RASSF2: variants seen among roughly 807,000 people sequenced by gnomAD.
The protein encoded by RASSF2 is Ras association domain family member 2, also known as ras association domain-containing protein 2.
Under a neutral mutation model 46.3 loss-of-function variants are expected in RASSF2, and 34 were observed. The ratio of observed to expected loss-of-function variants is 0.73; its 90% CI spans 0.56 to 0.98. The LOEUF is 0.98. Among genes scored for constraint, RASSF2 ranks in the 50% least tolerant of loss-of-function variants. The pLI, the probability that RASSF2 is intolerant of heterozygous loss-of-function variation, is 0.00. For missense variants in RASSF2, 364 were observed against 431.2 expected (o/e 0.84, Z 1.38); for synonymous variants, 158 against 162.5 (o/e 0.97, Z 0.21).
chr20:4,790,542 A>G lies in RASSF2; in HGVS notation c.446T>C (p.Val149Ala). The G allele has an allele frequency of 6.5e-7, 1 of 1,532,572 alleles. No individual in the cohort carries two copies. The highest frequency in any genetic ancestry group is 8.7e-7 in the Non-Finnish European group (1 of 1,145,804). The allele number at this position is 1,532,572 out of a possible 1,614,324, so 94.9% of individuals were successfully genotyped here. A position where few individuals can be genotyped will look rare whatever the true frequency, so the allele number is the denominator to read the frequency against. The change falls in exon 7 of 12, where the codon GTG becomes GCG. Residue 149 changes from valine to alanine, a missense_variant. Val to Ala is a moderately conservative substitution (Grantham distance 64). Coordinates refer to ENST00000379400, the MANE Select transcript of RASSF2 (RefSeq NM_014737.3). The surrounding 1 kb of genome is among the most constrained non-coding windows in gnomAD (Gnocchi z 4.3). ...CGTCCTCACATTGCCACGGCGACGC[A>G]CCCCAACATCACTGCGTGTGCGCAT... ...QLMRTRSDVG[V>A]RRRGNVRTPS...
Position 4,812,819 on chromosome 20 carries a change from C to G in RASSF2, c.-33+9510G>C, listed in dbSNP as rs1927932238. ...CCCAGGTGGCACAGCCGACATGCAG[C>G]CCAGTGCTCCTGTGGCTCTCTGGCT... On this transcript the variant is annotated intron_variant, in intron 2 of 11. Coordinates refer to ENST00000379400, the MANE Select transcript of RASSF2 (RefSeq NM_014737.3). The surrounding 1 kb of genome is among the most constrained non-coding windows in gnomAD (Gnocchi z 4.0). Among the ~76,000 whole-genome samples, 1 of 152,194 alleles carries G rather than the reference C, an allele frequency of 6.6e-6. No homozygotes were observed. Among genetic ancestry groups the G allele is most frequent in the Non-Finnish European group, 1.5e-5 (1 of 68,030 alleles).
intron 10 of RASSF2, 123 bp downstream of exon 10, chr20:4,787,510 G>A: frequency 8.2e-7 from 1 of 1,215,408 alleles, no homozygotes; most frequent in Non-Finnish European, 1.2e-6. Context: ...AGAACCTGGT[G>A]CTGAAGAAGT....
At chr20:4,817,601 C>A (rs1928407502) in intron 2 of RASSF2, among the ~76,000 whole-genome samples, 1 of 152,104 alleles carries the variant, frequency 6.6e-6, no homozygotes, top group Admixed American at 6.5e-5. Context: ...AAGGAAGGGA[C>A]CATCCGTTCC....
At chr20:4,802,305 TCA>T (rs1443335759) in intron 2 of RASSF2, among the ~76,000 whole-genome samples, 1 of 151,728 alleles carries the variant, frequency 6.6e-6, no homozygotes, top group African/African-American at 2.4e-5. Flanking sequence ...TGGATTCTGC[TCA>T]CTAGATGCCA....
intron 2 of RASSF2, among the ~76,000 whole-genome samples, chr20:4,804,687 T>C (rs1255949617): frequency 6.6e-6 from 1 of 152,158 alleles, no homozygotes; most frequent in Admixed American, 6.6e-5. Flanking sequence ...TCAGTGTCCC[T>C]TTTTCTAAAA....
rs1444302238 is a variant in RASSF2, at chr20:4,795,606, A to C, written c.287+209T>G. ...GCAGCTCCCCTCCTGTGACCTCATC[A>C]GTGATTGCAGTGACAGGAAGGGGGC... On this transcript the variant is annotated intron_variant, in intron 5 of 11. Transcript: ENST00000379400. This position sits in a 1 kb window ranked among gnomAD's most constrained non-coding sequence, Gnocchi z 4.0. The C allele has an allele frequency of 2.0e-6, 1 of 508,636 alleles. No homozygotes were observed. The highest frequency in any genetic ancestry group is 3.4e-6 in the Non-Finnish European group (1 of 293,464). 31.5% of individuals were successfully genotyped at this position (508,636 alleles called of 1,614,324 possible). A position where few individuals can be genotyped will look rare whatever the true frequency, so the allele number is the denominator to read the frequency against.
chr20:4,797,895 A>G, intron 4 of RASSF2, 115 bp downstream of exon 4: 2 of 1,484,040 alleles, frequency 1.3e-6, no homozygotes, highest in Non-Finnish European at 1.8e-6. Flanking sequence ...CTAGCAACCT[A>G]AATAAGAAGC....
chr20:4,800,456 A>G (rs1203299484), intron 3 of RASSF2, among the ~76,000 whole-genome samples: 1 of 152,206 alleles, frequency 6.6e-6, no homozygotes, highest in Non-Finnish European at 1.5e-5. Context: ...GGGTAGAGTC[A>G]GTGTCTGGTG....
chr20:4,788,612 C>A (rs186041540), intron 8 of RASSF2, among the ~76,000 whole-genome samples: 1 of 152,334 alleles, frequency 6.6e-6, no homozygotes, highest in African/African-American at 2.4e-5. Context: ...TCCTAGTGTA[C>A]AAACCTATAC....
Position 4,798,105 on chromosome 20 carries a change from G to A in RASSF2, c.60-20C>T, listed in dbSNP as rs1926510576. 13 of 1,613,130 alleles carry A rather than the reference G, an allele frequency of 8.1e-6. No individual in the cohort carries two copies. Among genetic ancestry groups the A allele is most frequent in the Non-Finnish European group, 9.3e-6 (11 of 1,179,366 alleles). On this transcript the variant is annotated intron_variant, in intron 3 of 11. Coordinates refer to ENST00000379400, the MANE Select transcript of RASSF2 (RefSeq NM_014737.3). ...TCATTTCTTAGGGGGAAAAATAGAA[G>A]AGATATAACATTATCAGCTGAAGCC...
chr20:4,797,947 C>A (rs1222037478), intron 4 of RASSF2, 63 bp downstream of exon 4: 1 of 1,605,906 alleles, frequency 6.2e-7, no homozygotes, highest in Non-Finnish European at 8.5e-7. Flanking sequence ...GACCTTCAGA[C>A]CCAGGACACA....
chr20:4,797,041 G>A (rs563725824), intron 4 of RASSF2, among the ~76,000 whole-genome samples: 2 of 152,226 alleles, frequency 1.3e-5, no homozygotes, highest in South Asian at 4.1e-4. Context: ...CAAAGAGGGA[G>A]GAAGGAATAA....
intron 11 of RASSF2, among the ~76,000 whole-genome samples, chr20:4,784,820 A>C (rs2122395388): frequency 6.6e-6 from 1 of 152,148 alleles, no homozygotes; most frequent in East Asian, 1.9e-4. Context: ...TTATAACAGA[A>C]CCTGCATTTT....
In RASSF2 at chr20:4,780,086, G is replaced by A. The variant is rs1924650047; in HGVS notation, c.*4187C>T. ...CAGATGCATTAAAACATATCAAAAT[G>A]TTACAAAAATGTATGGCTCCCTTGC... On this transcript the variant is annotated 3_prime_UTR_variant, in exon 12 of 12. Coordinates refer to ENST00000379400, the MANE Select transcript of RASSF2 (RefSeq NM_014737.3). The A allele has an allele frequency of 6.6e-6, 1 of 152,544 alleles. No homozygotes were observed. Among genetic ancestry groups the A allele is most frequent in the African/African-American group, 2.4e-5 (1 of 41,434 alleles). The allele number at this position is 152,544 out of a possible 1,614,324, so 9.4% of individuals were successfully genotyped here.
intron 2 of RASSF2, among the ~76,000 whole-genome samples, chr20:4,805,221 G>C (rs1415983001): frequency 6.6e-6 from 1 of 152,114 alleles, no homozygotes; most frequent in Non-Finnish European, 1.5e-5. Context: ...ATCTTGAAAC[G>C]AAGAGACTAT....
At chr20:4,808,541 G>C (rs1927528114) in intron 2 of RASSF2, among the ~76,000 whole-genome samples, 1 of 149,150 alleles carries the variant, frequency 6.7e-6, no homozygotes, top group Non-Finnish European at 1.5e-5. Context: ...GGCTGGAATG[G>C]AGTGGCACGA....
Position 4,792,594 on chromosome 20 carries a change from A to C in RASSF2, c.321T>G (p.Val107=). 4 of 1,613,880 alleles carry C rather than the reference A, an allele frequency of 2.5e-6. No individual in the cohort carries two copies. In the South Asian group the frequency reaches 4.4e-5, roughly 18 times the overall value. The change falls in exon 6 of 12, where the codon GTT becomes GTG. Residue 107 remains valine, a synonymous_variant. Transcript: ENST00000379400. ...TTLKPLTVPK[V]QISEVDAPPE... Reference sequence around the variant, plus strand: ...GCGGGGCATCCACCTCTGAGATCTGAACTTTGGGCACAGTCAGGGGCTTCA... The same window carrying C: ...GCGGGGCATCCACCTCTGAGATCTGCACTTTGGGCACAGTCAGGGGCTTCA...
rs1387747705 is a variant in RASSF2, at chr20:4,790,394, G to C, written c.537+57C>G. ...ACCCACCATATGGCTGTAGCCCTGA[G>C]GTGGCATCTACCCAGGAAGAGGTCT... is the stretch of plus-strand genomic sequence containing the variant. On this transcript the variant is annotated intron_variant, in intron 7 of 11. Coordinates refer to ENST00000379400, the MANE Select transcript of RASSF2 (RefSeq NM_014737.3). This position sits in a 1 kb window ranked among gnomAD's most constrained non-coding sequence, Gnocchi z 4.3. The C allele has an allele frequency of 1.4e-6, 2 of 1,395,440 alleles. No individual in the cohort carries two copies. The highest frequency in any genetic ancestry group is 5.6e-5 in the East Asian group (2 of 35,986). 86.4% of individuals were successfully genotyped at this position (1,395,440 alleles called of 1,614,324 possible).
In RASSF2 at chr20:4,790,710, C is replaced by CAAATATTATTTGTATA; in HGVS notation, c.377-100_377-99insTATACAAATAATATTT. The CAAATATTATTTGTATA allele has an allele frequency of 2.4e-6, 2 of 829,700 alleles. No individual in the cohort carries two copies. Among genetic ancestry groups the CAAATATTATTTGTATA allele is most frequent in the Non-Finnish European group, 3.5e-6 (2 of 572,766 alleles). 51.4% of individuals were successfully genotyped at this position (829,700 alleles called of 1,614,324 possible). A position where few individuals can be genotyped will look rare whatever the true frequency, so the allele number is the denominator to read the frequency against. On this transcript the variant is annotated intron_variant, in intron 6 of 11. Coordinates refer to ENST00000379400, the MANE Select transcript of RASSF2 (RefSeq NM_014737.3). The surrounding 1 kb of genome is among the most constrained non-coding windows in gnomAD (Gnocchi z 4.3). Reference sequence around the variant, plus strand: ...AGTGCGACAGCACCCACTGTCTCCACAAATATATATTTTATACAAATAATA... The same window carrying CAAATATTATTTGTATA: ...AGTGCGACAGCACCCACTGTCTCCACAAATATTATTTGTATAAAATATATATTTTATACAAATAATA...
Sources: allele counts gnomAD v4.1 joint callset (sites outside exome capture counted in the v4.1 genomes callset), GRCh38; gene constraint gnomAD v4.1.1; non-coding constraint Gnocchi (gnomAD v3.1); transcripts MANE v1.5; gene names NCBI Gene and HGNC (gene_info 2026-07-23, HGNC 2026-07-21).